The following TXNDC16 variants were observed in gnomAD, a reference collection of about 807,000 sequenced individuals.
TXNDC16 encodes thioredoxin domain containing 16, also known as thioredoxin domain-containing protein 16.
In TXNDC16, 74 loss-of-function variants were observed where a neutral mutation model predicts 85.6. The ratio of observed to expected loss-of-function variants is 0.86; its 90% confidence interval spans 0.72 to 1.05. TXNDC16 has a LOEUF of 1.05. TXNDC16 is among the 50% of genes least tolerant of loss of function. TXNDC16 has a pLI of 0.00. For missense variants in TXNDC16, 959 were observed against 947.0 expected, an observed-to-expected ratio of 1.01 and a Z score of -0.17; for synonymous variants, 335 against 326.5, an observed-to-expected ratio of 1.03 and a Z score of -0.28.
intron 20 of TXNDC16, among the ~76,000 whole-genome samples, chr14:52,436,095 T>C (rs761004116): frequency 6.6e-6 from 1 of 152,202 alleles, no homozygotes; most frequent in Non-Finnish European, 1.5e-5. Flanking sequence ...AGTACTAGCA[T>C]AAAGACAGGC....
chr14:52,531,608 G>T (rs1047810122), intron 6 of TXNDC16, among the ~76,000 whole-genome samples: 2 of 152,124 alleles, frequency 1.3e-5, no homozygotes, highest in Non-Finnish European at 2.9e-5. Context: ...ATCTGGAAAA[G>T]ACAAAACTAC....
In TXNDC16 at chr14:52,479,570, CA is replaced by C. The variant is rs201538999; in HGVS notation, c.1312+2659del. Among the ~76,000 whole-genome samples, 468 of 139,560 alleles carry C rather than the reference CA, an allele frequency of 3.4e-3. 2 individuals carry two copies. The highest frequency in any genetic ancestry group is 9.2e-3 in the African/African-American group (350 of 38,206). 91.6% of individuals were successfully genotyped at this position (139,560 alleles called of 152,430 possible). On this transcript the variant is annotated intron_variant, in intron 14 of 20. Transcript: ENST00000281741. ...AATTCAACCCCTTTTACAATAGCTG[CA>C]AAAAAAAAAAATAATAAAAATACTT...
At chr14:52,515,970 ACTAT>A (rs904213107) in intron 7 of TXNDC16, among the ~76,000 whole-genome samples, 1 of 152,120 alleles carries the variant, frequency 6.6e-6, no homozygotes, top group Non-Finnish European at 1.5e-5. Context: ...TATAGTTTTA[ACTAT>A]CTTTTTAAAA....
At chr14:52,451,408 C>T (rs1334930296) in intron 18 of TXNDC16, among the ~76,000 whole-genome samples, 1 of 151,924 alleles carries the variant, frequency 6.6e-6, no homozygotes, top group Non-Finnish European at 1.5e-5. Context: ...AACAACAGGC[C>T]AATATCATTG....
chr14:52,490,611 T>C (rs1045812100), intron 10 of TXNDC16, among the ~76,000 whole-genome samples, 160 bp from the exon 11 acceptor site: 2 of 152,160 alleles, frequency 1.3e-5, no homozygotes, highest in Non-Finnish European at 2.9e-5. Context: ...ATAGACCAGA[T>C]TTTCTAGTCT....
At chr14:52,488,606 C>T (rs1165826805) in intron 11 of TXNDC16, 120 bp from the exon 12 acceptor site, 3 of 699,636 alleles carry the variant, frequency 4.3e-6, no homozygotes, top group Admixed American at 6.2e-5. Flanking sequence ...GAGGTCGAGG[C>T]AGGCGGATCA....
At chr14:52,491,030 AAG>A in intron 9 of TXNDC16, 25 bp from the exon 10 acceptor site, 1 of 1,538,920 alleles carries the variant, frequency 6.5e-7, no homozygotes, top group Non-Finnish European at 8.7e-7. Flanking sequence ...AAAAAAAAAA[AAG>A]GTGTGATAAC....
At chr14:52,501,904 G>C (rs1479171681) in intron 9 of TXNDC16, among the ~76,000 whole-genome samples, 1 of 152,172 alleles carries the variant, frequency 6.6e-6, no homozygotes, top group Non-Finnish European at 1.5e-5. Context: ...ACCAGCTGAG[G>C]ATTCTAACAT....
intron 20 of TXNDC16, 113 bp downstream of exon 20, chr14:52,439,091 G>A (rs2035102758): frequency 1.8e-6 from 2 of 1,129,698 alleles, no homozygotes; most frequent in Non-Finnish European, 2.5e-6. Context: ...CCACATGGAT[G>A]ATGCTACCAG....
At chr14:52,530,456 TAA>T (rs1164042086) in intron 6 of TXNDC16, among the ~76,000 whole-genome samples, 4 of 10,976 alleles carry the variant, frequency 3.6e-4, no homozygotes, top group Admixed American at 2.3e-3. Flanking sequence ...TATTATATAA[TAA>T]TATATATTAT....
chr14:52,502,428 TA>T (rs1465558521), intron 9 of TXNDC16, among the ~76,000 whole-genome samples: 1 of 152,224 alleles, frequency 6.6e-6, no homozygotes, highest in African/African-American at 2.4e-5. Context: ...TTGTATTTTA[TA>T]AAACGTGTAT....
chr14:52,535,457 T>G (rs543628674), intron 6 of TXNDC16, among the ~76,000 whole-genome samples: 2 of 152,236 alleles, frequency 1.3e-5, no homozygotes, highest in Admixed American at 1.3e-4. Flanking sequence ...CCTGTAAGTT[T>G]TGAATTTCCA....
intron 4 of TXNDC16, among the ~76,000 whole-genome samples, chr14:52,538,566 CT>C (rs2037755954): frequency 6.6e-6 from 1 of 151,928 alleles, no homozygotes. Context: ...ATACAAAAGG[CT>C]TTTTACAAAT....
intron 6 of TXNDC16, among the ~76,000 whole-genome samples, chr14:52,530,263 TA>T (rs1329271577): frequency 1.5e-5 from 1 of 65,406 alleles, no homozygotes; most frequent in African/African-American, 6.6e-5. Context: ...TATTATATAA[TA>T]TATATTATTA....
intron 20 of TXNDC16, 38 bp from the exon 21 acceptor site, chr14:52,432,625 G>C: frequency 6.6e-7 from 1 of 1,522,364 alleles, no homozygotes; most frequent in Non-Finnish European, 8.8e-7. Context: ...AAGATTAACA[G>C]CTATAAATCG....
intron 16 of TXNDC16, among the ~76,000 whole-genome samples, chr14:52,464,419 T>C (rs1333795654): frequency 6.6e-6 from 1 of 152,212 alleles, no homozygotes; most frequent in Admixed American, 6.5e-5. Flanking sequence ...GATTTTATCC[T>C]ATTTGTGCTT....
intron 7 of TXNDC16, among the ~76,000 whole-genome samples, chr14:52,516,790 C>T (rs1239686557): frequency 1.3e-5 from 2 of 152,136 alleles, no homozygotes; most frequent in Non-Finnish European, 2.9e-5. Context: ...GATCATTCCA[C>T]TCACCACCCT....
chr14:52,530,364 A>G (rs1304554341), intron 6 of TXNDC16, among the ~76,000 whole-genome samples: 1 of 37,104 alleles, frequency 2.7e-5, no homozygotes, highest in East Asian at 1.4e-3. Flanking sequence ...TATAATATAT[A>G]TTATTATATA....
intron 18 of TXNDC16, among the ~76,000 whole-genome samples, chr14:52,454,312 G>A (rs1228384686): frequency 6.6e-6 from 1 of 151,562 alleles, no homozygotes; most frequent in African/African-American, 2.4e-5. Flanking sequence ...TGTAGTCCTG[G>A]CTACTTGGGA....
Sources: gnomAD v4.1 joint callset for allele counts (sites outside exome capture counted in the v4.1 genomes callset) on GRCh38, gnomAD v4.1.1 for gene constraint, MANE v1.5 for transcripts, NCBI Gene and HGNC (gene_info 2026-07-23, HGNC 2026-07-21) for gene names.